GOLM2: variants seen among roughly 807,000 people sequenced by gnomAD.
GOLM2 encodes protein GOLM2.
In GOLM2, 26 loss-of-function variants were observed where a neutral mutation model predicts 55.9. That is an observed-to-expected ratio of 0.47 (90% confidence interval 0.34 to 0.65). The LOEUF is 0.65. Ranked by LOEUF, GOLM2 falls within the 30% of genes least tolerant of loss-of-function variation. GOLM2 has a pLI of 0.01. For missense variants in GOLM2, 486 were observed against 531.8 expected, an observed-to-expected ratio of 0.91 and a Z score of 0.85; for synonymous variants, 165 against 194.6, an observed-to-expected ratio of 0.85 and a Z score of 1.27.
At chr15:44,336,076 G>A (rs1273784134) in intron 4 of GOLM2, among the ~76,000 whole-genome samples, 1 of 151,980 alleles carries the variant, frequency 6.6e-6, no homozygotes, top group Non-Finnish European at 1.5e-5. Context: ...GCCTCCCAAA[G>A]TGGTGGGATT....
chr15:44,347,106 A>G (rs2079130507), intron 6 of GOLM2, among the ~76,000 whole-genome samples: 1 of 152,124 alleles, frequency 6.6e-6, no homozygotes, highest in Non-Finnish European at 1.5e-5. Context: ...TCTGGGTGAC[A>G]GAGAGAGACC....
At chr15:44,341,107 G>A (rs535324612) in intron 6 of GOLM2, among the ~76,000 whole-genome samples, 1 of 132,142 alleles carries the variant, frequency 7.6e-6, no homozygotes. Flanking sequence ...TTGAGACAGA[G>A]TCTCACTCTG....
At chr15:44,408,056 C>T (rs1282638736) in intron 9 of GOLM2, among the ~76,000 whole-genome samples, 4 of 152,180 alleles carry the variant, frequency 2.6e-5, no homozygotes, top group South Asian at 4.1e-4. Flanking sequence ...GCCATGGTAG[C>T]GCTTTCTTTA....
chr15:44,297,562 GT>G (rs375293143), intron 1 of GOLM2, among the ~76,000 whole-genome samples: 140 of 137,162 alleles, frequency 1.0e-3, no homozygotes, highest in Non-Finnish European at 9.8e-4. Context: ...ATTTTTTTTT[GT>G]TTTTTTTTTT....
intron 9 of GOLM2, among the ~76,000 whole-genome samples, chr15:44,408,943 A>C (rs139507572): frequency 0.011 from 1,657 of 151,612 alleles, 42 homozygotes; most frequent in African/African-American, 0.038. Context: ...AGCCTGGGCA[A>C]CAGAGCGAGA....
intron 1 of GOLM2, among the ~76,000 whole-genome samples, chr15:44,297,961 G>A (rs147994877): frequency 0.014 from 1,954 of 143,968 alleles, 40 homozygotes; most frequent in East Asian, 0.088. Context: ...TCCGCCTCCC[G>A]GGTTTAAGCG....
intron 6 of GOLM2, among the ~76,000 whole-genome samples, chr15:44,353,147 AT>A (rs1014845431): frequency 5.9e-5 from 9 of 152,256 alleles, no homozygotes; most frequent in African/African-American, 1.7e-4. Context: ...GCTCAATATC[AT>A]TGGTCATCAA....
At chr15:44,360,108 G>A (rs574217379) in intron 6 of GOLM2, among the ~76,000 whole-genome samples, 16 of 152,280 alleles carry the variant, frequency 1.1e-4, no homozygotes, top group African/African-American at 3.9e-4. Flanking sequence ...ATGCCAAAAT[G>A]TAAAGACCAT....
chr15:44,408,718 C>G (rs915079920), intron 9 of GOLM2, among the ~76,000 whole-genome samples: 30 of 152,176 alleles, frequency 2.0e-4, no homozygotes, highest in Non-Finnish European at 3.2e-4. Flanking sequence ...GTGGTTCACT[C>G]CTGTAATCCC....
intron 8 of GOLM2, among the ~76,000 whole-genome samples, chr15:44,394,421 T>G (rs976851537): frequency 2.0e-5 from 3 of 152,222 alleles, no homozygotes; most frequent in African/African-American, 7.2e-5. Flanking sequence ...GGGGAGATGG[T>G]AAGGTTGTTC....
intron 8 of GOLM2, among the ~76,000 whole-genome samples, chr15:44,395,941 A>T (rs1046066747): frequency 6.6e-6 from 1 of 152,356 alleles, no homozygotes; most frequent in South Asian, 2.1e-4. Context: ...TATTTAATTT[A>T]TAAGTGTTCA....
At position 44,380,950 on chromosome 15, in the gene GOLM2, T is replaced by C; in HGVS notation, c.1046T>C (p.Val349Ala). ...CTAAAGCAGGCTACCAAGGACAGAG[T>C]CAGTGATTTCCATAAATTGAAGCAA... ...DILKQATKDRVSDFHKLKQSR... is the reference protein window; with the variant it reads ...DILKQATKDRASDFHKLKQSR... Residue 349 changes from valine (V) to alanine (A), a missense_variant, in exon 8 of 10, where the codon GTC becomes GCC. Val to Ala is a moderately conservative substitution (Grantham distance 64, BLOSUM62 0). Transcript: ENST00000299957. The C allele has an allele frequency of 6.4e-7, 1 of 1,573,584 alleles. No individual in the cohort carries two copies. Among genetic ancestry groups the C allele is most frequent in the Non-Finnish European group, 8.6e-7 (1 of 1,162,682 alleles).
At chr15:44,407,943 G>A (rs1183186259) in intron 9 of GOLM2, among the ~76,000 whole-genome samples, 1 of 151,014 alleles carries the variant, frequency 6.6e-6, no homozygotes, top group East Asian at 2.0e-4. Context: ...CAAGAGACAG[G>A]GTTTCACCAT....
rs189697676 is a variant in GOLM2 at position 44,355,651 on chromosome 15, G to A, written c.802+17334G>A. The A allele has an allele frequency of 7.5e-4, 171 of 227,134 alleles. 3 individuals are homozygous for A. The highest frequency in any genetic ancestry group is 6.3e-4 in the Non-Finnish European group (70 of 111,448). 14.1% of individuals were successfully genotyped at this position (227,134 alleles called of 1,614,324 possible). On this transcript the variant is annotated intron_variant, in intron 6 of 9. Coordinates refer to ENST00000299957, the MANE Select transcript of GOLM2 (RefSeq NM_138423.4). ...TGACAATTAGTTTTGCTACAGCAAC[G>A]GGGTGGTGGACCTCATGGTCCACAT...
At chr15:44,384,907 T>TAAA (rs137866986) in intron 8 of GOLM2, among the ~76,000 whole-genome samples, 2 of 140,830 alleles carry the variant, frequency 1.4e-5, no homozygotes, top group South Asian at 4.5e-4. Context: ...GACTGCATCT[T>TAAA]AAAAAAAAAA....
chr15:44,393,589 A>AT (rs1193866676), intron 8 of GOLM2, among the ~76,000 whole-genome samples: 1 of 152,196 alleles, frequency 6.6e-6, no homozygotes, highest in Non-Finnish European at 1.5e-5. Flanking sequence ...ACTATCAGAT[A>AT]TGAAGATTTA....
intron 6 of GOLM2, 133 bp downstream of exon 6, chr15:44,338,450 C>T (rs2079071576): frequency 1.6e-6 from 1 of 619,416 alleles, no homozygotes; most frequent in Non-Finnish European, 2.6e-6. Flanking sequence ...AATTAAGTAC[C>T]CATTAATTGC....
chr15:44,379,638 T>TTTTTAAA, intron 6 of GOLM2, 52 bp from the exon 7 acceptor site: 4 of 710,022 alleles, frequency 5.6e-6, no homozygotes, highest in Middle Eastern at 4.5e-4. Flanking sequence ...TTTTTTTTTT[T>TTTTTAAA]AGAAATCATA....
At chr15:44,389,461 G>A (rs752399891) in intron 8 of GOLM2, among the ~76,000 whole-genome samples, 22 of 152,144 alleles carry the variant, frequency 1.4e-4, no homozygotes, top group Admixed American at 3.3e-4. Context: ...CTGGGAAGCA[G>A]AGGTTGCAGT....
Sources: allele counts gnomAD v4.1 joint callset (sites outside exome capture counted in the v4.1 genomes callset), GRCh38; gene constraint gnomAD v4.1.1; transcripts MANE v1.5; gene names NCBI Gene and HGNC (gene_info 2026-07-23, HGNC 2026-07-21).